The following CFAP46 variants were observed in gnomAD, a reference collection of about 807,000 sequenced individuals.
The protein encoded by CFAP46 is cilia and flagella associated protein 46.
A neutral mutation model predicts 325.7 loss-of-function variants in CFAP46; 245 were observed. That is an observed-to-expected ratio of 0.75 (90% CI 0.68 to 0.84). CFAP46 has a LOEUF of 0.84. Among genes scored for constraint, CFAP46 ranks in the 40% least tolerant of loss-of-function variants. CFAP46 has a pLI of 0.00. For synonymous variants in CFAP46, 1,523 were observed against 1,495.9 expected, an observed-to-expected ratio of 1.02 and a Z score of -0.42; for missense variants, 3,346 against 3,543.0, an observed-to-expected ratio of 0.94 and a Z score of 1.41.
chr10:132,849,623 C>T (rs1048913330), intron 41 of CFAP46, among the ~76,000 whole-genome samples: 1 of 152,144 alleles, frequency 6.6e-6, no homozygotes, highest in African/African-American at 2.4e-5. Context: ...CTGACTCAGC[C>T]CAGCTGGGCA....
At chr10:132,845,972 T>C in intron 44 of CFAP46, 85 bp downstream of exon 44, 1 of 1,416,494 alleles carries the variant, frequency 7.1e-7, no homozygotes. Flanking sequence ...GCTGCCTCGC[T>C]CAGGCGTGGG....
At chr10:132,829,314 G>A (rs980131208) in intron 50 of CFAP46, among the ~76,000 whole-genome samples, 1 of 152,152 alleles carries the variant, frequency 6.6e-6, no homozygotes, top group African/African-American at 2.4e-5. Context: ...TCCTGGCTTG[G>A]AAGCTATTGT....
intron 11 of CFAP46, among the ~76,000 whole-genome samples, chr10:132,923,999 C>G (rs4075000): frequency 0.53 from 80,688 of 151,892 alleles, 21,977 homozygotes; most frequent in African/African-American, 0.63. Flanking sequence ...AGACAGGGAG[C>G]GGGGGCTGAG....
intron 9 of CFAP46, chr10:132,929,358 C>T: frequency 3.2e-6 from 2 of 626,738 alleles, no homozygotes; most frequent in Non-Finnish European, 5.9e-6. Context: ...TAACGAGGCA[C>T]TGCCGGTGTG....
chr10:132,855,914 C>T (rs745394199), intron 39 of CFAP46, among the ~76,000 whole-genome samples: 6 of 152,232 alleles, frequency 3.9e-5, no homozygotes, highest in South Asian at 2.1e-4. Context: ...CTGGAGTTTA[C>T]GTGTTCGAGG....
intron 32 of CFAP46, among the ~76,000 whole-genome samples, chr10:132,871,265 G>A (rs11146557): frequency 0.34 from 51,576 of 152,164 alleles, 9,847 homozygotes; most frequent in Admixed American, 0.5. Flanking sequence ...CATACAAGGA[G>A]ACGAATGCCT....
intron 44 of CFAP46, among the ~76,000 whole-genome samples, chr10:132,838,693 G>C (rs1342666572): frequency 6.6e-6 from 1 of 152,282 alleles, no homozygotes; most frequent in East Asian, 1.9e-4. Flanking sequence ...GGTCATGAGC[G>C]ATGCTGCTCT....
At chr10:132,885,436 G>A (rs954551384) in intron 26 of CFAP46, 150 bp from the exon 27 acceptor site, 24 of 718,054 alleles carry the variant, frequency 3.3e-5, no homozygotes, top group Middle Eastern at 8.0e-4. Flanking sequence ...GGGGCTACGC[G>A]GGGGTCTCGG....
chr10:132,862,601 T>TCTGAGTG (rs1005536385), intron 35 of CFAP46, among the ~76,000 whole-genome samples: 1 of 144,710 alleles, frequency 6.9e-6, no homozygotes, highest in African/African-American at 2.6e-5. Context: ...TCGGCGGGGG[T>TCTGAGTG]CTGAGTGCTG....
At chr10:132,912,607 CTCTCTCT>C in intron 19 of CFAP46, 41 bp downstream of exon 19, 1 of 327,592 alleles carries the variant, frequency 3.1e-6, no homozygotes, top group South Asian at 4.6e-5. Flanking sequence ...CCTCTCTCCT[CTCTCTCT>C]CTCTCTCTCT....
chr10:132,906,374 TG>T, intron 22 of CFAP46, among the ~76,000 whole-genome samples: 1 of 152,374 alleles, frequency 6.6e-6, no homozygotes, highest in Middle Eastern at 3.4e-3. Flanking sequence ...AGAAGCAACT[TG>T]GCCTCTGCCT....
chr10:132,823,040 ATGTGTGC>A (rs1268213604), intron 50 of CFAP46, among the ~76,000 whole-genome samples: 5 of 88,862 alleles, frequency 5.6e-5, no homozygotes, highest in East Asian at 3.8e-4. Flanking sequence ...GTGTGCGCTG[ATGTGTGC>A]TGTGTGCTGT....
At chr10:132,924,405 C>A (rs1033237615) in intron 11 of CFAP46, among the ~76,000 whole-genome samples, 10 of 150,244 alleles carry the variant, frequency 6.7e-5, no homozygotes, top group South Asian at 2.1e-4. Flanking sequence ...ACCAGCCCCC[C>A]ACTCCCGGCC....
chr10:132,899,089 A>T lies in CFAP46; in HGVS notation c.3089T>A (p.Val1030Glu). Reference protein sequence around the residue: ...FGGIAGSSALVMLAARHYWNA... With the variant: ...FGGIAGSSALEMLAARHYWNA... ...CCAGTAATGCCGCGCGGCCAGCATC[A>T]CCAGGGCGCTGCTGCCCGCGATGCC... is the stretch of plus-strand genomic sequence containing the variant. The change falls in exon 24 of 58, where the codon GTG becomes GAG. Residue 1030 changes from valine (V) to glutamate (E), a missense_variant. Coordinates refer to ENST00000368586, the MANE Select transcript of CFAP46 (RefSeq NM_001200049.3). The T allele has an allele frequency of 6.5e-7, 1 of 1,550,082 alleles. No homozygotes were observed. The highest frequency in any genetic ancestry group is 1.2e-5 in the South Asian group (1 of 84,038).
At chr10:132,836,579 C>A (rs774181834) in intron 45 of CFAP46, among the ~76,000 whole-genome samples, 1 of 152,220 alleles carries the variant, frequency 6.6e-6, no homozygotes, top group Non-Finnish European at 1.5e-5. Flanking sequence ...AGACCAGACA[C>A]AAAGACCCTG....
rs187123252 is a variant in CFAP46 at position 132,924,623 on chromosome 10, C to A, written c.1256+73G>T. 279 of 1,350,668 alleles carry A rather than the reference C, an allele frequency of 2.1e-4. 1 individual carries two copies. The Middle Eastern group carries it at 2.5e-3, about 12-fold the overall frequency. The allele number at this position is 1,350,668 out of a possible 1,614,324, so 83.7% of individuals were successfully genotyped here. ...ACTGTCATGGCAAGGGGGCTTGGGCCACCTTCTCCTCCTCTGTCTCCTCCT... is the reference window on the plus strand; with the variant it reads ...ACTGTCATGGCAAGGGGGCTTGGGCAACCTTCTCCTCCTCTGTCTCCTCCT... On this transcript the variant is annotated intron_variant, in intron 11 of 57. Transcript: ENST00000368586.
At chr10:132,887,861 T>C (rs117221808) in intron 25 of CFAP46, among the ~76,000 whole-genome samples, 6,841 of 56,780 alleles carry the variant, frequency 0.12, 1,332 homozygotes, top group Admixed American at 0.23. Flanking sequence ...TCCCCTTCTC[T>C]CCTCTCCCTT....
At chr10:132,883,639 C>T (rs553524460) in intron 27 of CFAP46, among the ~76,000 whole-genome samples, 102 of 152,356 alleles carry the variant, frequency 6.7e-4, no homozygotes, top group Non-Finnish European at 1.1e-3. Context: ...GGACGAGGAC[C>T]GGGCCACGCC....
At chr10:132,927,364 C>T (rs931605132) in intron 9 of CFAP46, among the ~76,000 whole-genome samples, 22 of 152,010 alleles carry the variant, frequency 1.4e-4, no homozygotes, top group Non-Finnish European at 2.4e-4. Context: ...CGGCGGCAGA[C>T]GCCTCCGTCC....
Sources: allele counts gnomAD v4.1 joint callset (sites outside exome capture counted in the v4.1 genomes callset), GRCh38; gene constraint gnomAD v4.1.1; transcripts MANE v1.5; gene names NCBI Gene and HGNC (gene_info 2026-07-23, HGNC 2026-07-21).